KIAA1549L: variants seen among roughly 807,000 people sequenced by gnomAD.
The protein encoded by KIAA1549L is KIAA1549 like, also known as UPF0606 protein KIAA1549L.
Under a neutral mutation model 160.7 loss-of-function variants are expected in KIAA1549L, and 88 were observed. The ratio of observed to expected loss-of-function variants is 0.55; its 90% confidence interval spans 0.46 to 0.65. The LOEUF is 0.65. Among genes scored for constraint, KIAA1549L ranks in the 30% least tolerant of loss-of-function variants. The pLI, the probability that KIAA1549L is intolerant of heterozygous loss-of-function variation, is 0.00. For missense variants in KIAA1549L, 2,258 were observed against 2,437.5 expected (o/e 0.93, Z 1.55); for synonymous variants, 950 against 976.7 (o/e 0.97, Z 0.51).
At chr11:33,498,054 T>C (rs1681481570) in intron 1 of KIAA1549L, among the ~76,000 whole-genome samples, 1 of 152,066 alleles carries the variant, frequency 6.6e-6, no homozygotes, top group African/African-American at 2.4e-5. Context: ...TTTGGGAGCC[T>C]GAGGAGGGAA....
chr11:33,409,766 CTTTT>C (rs34301559), intron 1 of KIAA1549L, among the ~76,000 whole-genome samples: 4 of 132,164 alleles, frequency 3.0e-5, no homozygotes, highest in Non-Finnish European at 6.4e-5. Context: ...GTTCTCACCT[CTTTT>C]TTTTTTTTTT....
intron 15 of KIAA1549L, among the ~76,000 whole-genome samples, chr11:33,613,401 T>A (rs983816013): frequency 6.6e-6 from 1 of 152,248 alleles, no homozygotes; most frequent in African/African-American, 2.4e-5. Flanking sequence ...ATGTATATCT[T>A]CTTTTGAAAA....
intron 1 of KIAA1549L, among the ~76,000 whole-genome samples, chr11:33,480,121 C>T (rs933646262): frequency 3.9e-5 from 6 of 152,064 alleles, no homozygotes; most frequent in African/African-American, 7.2e-5. Context: ...ACAGCTCACC[C>T]GTTTAAAGTG....
intron 1 of KIAA1549L, among the ~76,000 whole-genome samples, chr11:33,386,162 T>C (rs1850168808): frequency 6.6e-6 from 1 of 152,182 alleles, no homozygotes; most frequent in African/African-American, 2.4e-5. Flanking sequence ...GATCCTGGCA[T>C]TGGAGGGAAA....
intron 1 of KIAA1549L, among the ~76,000 whole-genome samples, chr11:33,489,685 G>A (rs1407870178): frequency 2.0e-5 from 3 of 152,094 alleles, no homozygotes; most frequent in South Asian, 2.1e-4. Flanking sequence ...AAGGAATGGC[G>A]GGTCACACAG....
intron 16 of KIAA1549L, among the ~76,000 whole-genome samples, chr11:33,639,632 C>T (rs375160736): frequency 4.6e-5 from 7 of 152,116 alleles, no homozygotes; most frequent in Non-Finnish European, 8.8e-5. Flanking sequence ...CTCCGCCTCC[C>T]GGGCTCAAGC....
intron 1 of KIAA1549L, among the ~76,000 whole-genome samples, chr11:33,495,597 G>A (rs1480488038): frequency 1.3e-5 from 2 of 152,200 alleles, no homozygotes; most frequent in Non-Finnish European, 2.9e-5. Flanking sequence ...ATGCGTGCAT[G>A]TGTCTTTATA....
At chr11:33,656,176 C>A in intron 18 of KIAA1549L, 67 bp downstream of exon 18, 1 of 1,203,584 alleles carries the variant, frequency 8.3e-7, no homozygotes, top group Non-Finnish European at 1.2e-6. Flanking sequence ...GTACCCTGAC[C>A]TGACAACAGC....
chr11:33,469,603 T>C (rs1373336354), intron 1 of KIAA1549L, among the ~76,000 whole-genome samples: 1 of 152,222 alleles, frequency 6.6e-6, no homozygotes, highest in Non-Finnish European at 1.5e-5. Context: ...CCAAACTGTT[T>C]TGCAAAGAGG....
intron 1 of KIAA1549L, among the ~76,000 whole-genome samples, chr11:33,514,412 T>G (rs997458669): frequency 6.6e-6 from 1 of 152,238 alleles, no homozygotes; most frequent in African/African-American, 2.4e-5. Context: ...GACTCATGCT[T>G]GGTGACATCT....
intron 1 of KIAA1549L, among the ~76,000 whole-genome samples, chr11:33,521,788 G>T (rs1378648015): frequency 6.6e-6 from 1 of 152,188 alleles, no homozygotes; most frequent in Admixed American, 6.5e-5. Context: ...GGCACCCCTA[G>T]TCCTGATCAG....
At chr11:33,485,837 C>T (rs1451035315) in intron 1 of KIAA1549L, among the ~76,000 whole-genome samples, 1 of 147,296 alleles carries the variant, frequency 6.8e-6, no homozygotes, top group Non-Finnish European at 1.5e-5. Flanking sequence ...TCTATGAGTT[C>T]GACTTTTTTA....
chr11:33,624,538 G>A (rs1468828931), intron 16 of KIAA1549L, among the ~76,000 whole-genome samples: 1 of 152,048 alleles, frequency 6.6e-6, no homozygotes, highest in African/African-American at 2.4e-5. Flanking sequence ...TGCACTTAAT[G>A]TATGTAAATT....
At chr11:33,399,761 A>C (rs1850461391) in intron 1 of KIAA1549L, among the ~76,000 whole-genome samples, 1 of 152,128 alleles carries the variant, frequency 6.6e-6, no homozygotes, top group African/African-American at 2.4e-5. Flanking sequence ...ATCCCTTCCC[A>C]AACCTTGGAA....
At chr11:33,388,118 C>T (rs977110607) in intron 1 of KIAA1549L, among the ~76,000 whole-genome samples, 5 of 152,166 alleles carry the variant, frequency 3.3e-5, no homozygotes, top group East Asian at 3.8e-4. Context: ...TCCACTCTCA[C>T]GCTACTATAA....
At chr11:33,393,252 C>T (rs1590215714) in intron 1 of KIAA1549L, among the ~76,000 whole-genome samples, 1 of 151,864 alleles carries the variant, frequency 6.6e-6, no homozygotes, top group Non-Finnish European at 1.5e-5. Flanking sequence ...TGCATGATTA[C>T]CATCTACACT....
chr11:33,452,181 C>G (rs144017890), intron 1 of KIAA1549L, among the ~76,000 whole-genome samples: 1 of 152,330 alleles, frequency 6.6e-6, no homozygotes, highest in East Asian at 1.9e-4. Flanking sequence ...TCCCTTCATT[C>G]TCCTGCCCTT....
At chr11:33,549,391 G>A (rs1438605572) in intron 4 of KIAA1549L, among the ~76,000 whole-genome samples, 1 of 152,144 alleles carries the variant, frequency 6.6e-6, no homozygotes, top group East Asian at 1.9e-4. Context: ...GAATTAGCAA[G>A]GGTTAGAGAG....
chr11:33,520,684 A>ACACAC (rs1853464753), intron 1 of KIAA1549L, among the ~76,000 whole-genome samples: 22 of 84,790 alleles, frequency 2.6e-4, no homozygotes, highest in Admixed American at 5.2e-4. Flanking sequence ...CCCCACCCCC[A>ACACAC]ACACACACAC....
Sources: gnomAD v4.1 joint callset for allele counts (sites outside exome capture counted in the v4.1 genomes callset) on GRCh38, gnomAD v4.1.1 for gene constraint, MANE v1.5 for transcripts, NCBI Gene and HGNC (gene_info 2026-07-23, HGNC 2026-07-21) for gene names.